CNBD1: variants seen among roughly 807,000 people sequenced by gnomAD.
The protein encoded by CNBD1 is cyclic nucleotide-binding domain-containing protein 1.
A neutral mutation model predicts 54.4 loss-of-function variants in CNBD1; 71 were observed. The ratio of observed to expected loss-of-function variants is 1.30; its 90% confidence interval spans 1.08 to 1.59. The LOEUF (loss-of-function observed/expected upper bound fraction) is 1.59, where lower values mean the gene tolerates loss of function less well. Among genes scored for constraint, CNBD1 ranks in the 40% most tolerant of loss-of-function variants. The pLI, the probability that CNBD1 is intolerant of heterozygous loss-of-function variation, is 0.00. For synonymous variants in CNBD1, 182 were observed against 170.7 expected, an observed-to-expected ratio of 1.07 and a Z score of -0.51; for missense variants, 659 against 518.0, an observed-to-expected ratio of 1.27 and a Z score of -2.64.
intron 8 of CNBD1, among the ~76,000 whole-genome samples, chr8:87,302,837 C>T (rs567583696): frequency 6.6e-6 from 1 of 152,096 alleles, no homozygotes; most frequent in South Asian, 2.1e-4. Context: ...TCTTATACAC[C>T]AGCAACAGAC....
chr8:87,311,735 C>T (rs140122999), intron 8 of CNBD1, among the ~76,000 whole-genome samples: 68 of 152,150 alleles, frequency 4.5e-4, no homozygotes, highest in African/African-American at 1.6e-3. Context: ...GAAAATGTGG[C>T]ACATATATAC....
intron 8 of CNBD1, among the ~76,000 whole-genome samples, chr8:87,289,703 A>G (rs1034326992): frequency 1.2e-4 from 19 of 152,280 alleles, no homozygotes; most frequent in African/African-American, 3.4e-4. Flanking sequence ...TAATAACAGT[A>G]ATAGTCAAAA....
chr8:86,939,489 A>G (rs1271695545), intron 3 of CNBD1, 107 bp from the exon 4 acceptor site: 18 of 714,926 alleles, frequency 2.5e-5, no homozygotes, highest in Non-Finnish European at 3.3e-5. Flanking sequence ...GAAAATGACA[A>G]ATTTTCTCAA....
rs1227142089 is a variant in CNBD1, at chr8:87,382,732, A to G, written c.*105A>G. On this transcript the variant is annotated 3_prime_UTR_variant, in exon 11 of 11. Transcript: ENST00000518476. ...AAACTACCAGCAATGAATTTGGTCT[A>G]TTGTGACTACATATCCTGGATTCCC... 3.7e-6 allele frequency: 3 copies of G among 816,260 alleles called. No homozygotes were observed. Among genetic ancestry groups the G allele is most frequent in the South Asian group, 2.0e-5 (1 of 50,230 alleles). The allele number at this position is 816,260 out of a possible 1,614,324, so 50.6% of individuals were successfully genotyped here.
At chr8:87,051,063 G>A (rs1166588881) in intron 4 of CNBD1, among the ~76,000 whole-genome samples, 1 of 152,158 alleles carries the variant, frequency 6.6e-6, no homozygotes, top group Non-Finnish European at 1.5e-5. Context: ...CATTAGGATG[G>A]CAGCTCACAT....
At chr8:86,880,066 G>T (rs1186061505) in intron 1 of CNBD1, among the ~76,000 whole-genome samples, 1 of 152,114 alleles carries the variant, frequency 6.6e-6, no homozygotes, top group Non-Finnish European at 1.5e-5. Context: ...AGGATGTGTT[G>T]GGGAGGAAGA....
At chr8:87,379,059 G>A (rs1472351286) in intron 10 of CNBD1, among the ~76,000 whole-genome samples, 7 of 150,930 alleles carry the variant, frequency 4.6e-5, no homozygotes, top group East Asian at 1.9e-4. Flanking sequence ...TTGGGGCTGA[G>A]ACAATGGGGT....
At chr8:87,011,788 A>G (rs891623139) in intron 4 of CNBD1, among the ~76,000 whole-genome samples, 2 of 152,170 alleles carry the variant, frequency 1.3e-5, no homozygotes, top group Non-Finnish European at 2.9e-5. Flanking sequence ...CATGAGGCTC[A>G]TATTGTTTTT....
chr8:87,078,845 A>T (rs1810928838), intron 4 of CNBD1, among the ~76,000 whole-genome samples: 1 of 152,238 alleles, frequency 6.6e-6, no homozygotes. Flanking sequence ...ATAGGTATAT[A>T]TAGTGTTTGC....
chr8:86,964,752 C>A (rs979454791), intron 4 of CNBD1, among the ~76,000 whole-genome samples: 65 of 152,174 alleles, frequency 4.3e-4, no homozygotes, highest in Non-Finnish European at 5.3e-4. Context: ...GGAGCTGATT[C>A]CCCTGCTGAA....
At chr8:86,948,866 T>G (rs1807535321) in intron 4 of CNBD1, among the ~76,000 whole-genome samples, 1 of 152,140 alleles carries the variant, frequency 6.6e-6, no homozygotes, top group African/African-American at 2.4e-5. Flanking sequence ...TTCCAATGTT[T>G]CATAGTAGTT....
At chr8:87,366,924 G>A (rs1198103181) in intron 10 of CNBD1, among the ~76,000 whole-genome samples, 1 of 152,028 alleles carries the variant, frequency 6.6e-6, no homozygotes, top group Non-Finnish European at 1.5e-5. Flanking sequence ...TTTCTAGTGA[G>A]CACCTTCAAA....
chr8:87,377,127 A>G (rs1478747750), intron 10 of CNBD1, among the ~76,000 whole-genome samples: 1 of 123,936 alleles, frequency 8.1e-6, no homozygotes, highest in South Asian at 2.4e-4. Flanking sequence ...TTGTAATTTT[A>G]TTTTATTTAT....
intron 2 of CNBD1, among the ~76,000 whole-genome samples, chr8:87,413,758 A>AT: frequency 6.6e-6 from 1 of 150,644 alleles, no homozygotes; most frequent in Middle Eastern, 3.4e-3. Flanking sequence ...GCAGCCAAAA[A>AT]ACACATGAAA....
intron 10 of CNBD1, among the ~76,000 whole-genome samples, chr8:87,355,997 C>T (rs1325309777): frequency 6.6e-6 from 1 of 151,922 alleles, no homozygotes; most frequent in African/African-American, 2.4e-5. Flanking sequence ...TTCTCTTGCT[C>T]CTTCTTTCAC....
At chr8:87,277,955 A>C (rs891859760) in intron 6 of CNBD1, among the ~76,000 whole-genome samples, 1 of 151,724 alleles carries the variant, frequency 6.6e-6, no homozygotes, top group African/African-American at 2.4e-5. Context: ...TAATATTTCC[A>C]AGATCATATC....
At chr8:87,359,113 C>A (rs1586044424) in intron 10 of CNBD1, among the ~76,000 whole-genome samples, 2 of 152,170 alleles carry the variant, frequency 1.3e-5, no homozygotes, top group Admixed American at 1.3e-4. Flanking sequence ...GTGTCACATA[C>A]AAAAGTGTTT....
intron 4 of CNBD1, among the ~76,000 whole-genome samples, chr8:87,118,070 C>G (rs1811811519): frequency 6.6e-6 from 1 of 151,974 alleles, no homozygotes; most frequent in African/African-American, 2.4e-5. Context: ...AATCTCAGCA[C>G]TTTGGGAGGC....
chr8:87,052,823 T>C (rs1289180332), intron 4 of CNBD1, among the ~76,000 whole-genome samples: 1 of 152,212 alleles, frequency 6.6e-6, no homozygotes, highest in African/African-American at 2.4e-5. Flanking sequence ...AAAGCCTCTA[T>C]ATATCAGGGT....
Sources: gnomAD v4.1 joint callset for allele counts (sites outside exome capture counted in the v4.1 genomes callset) on GRCh38, gnomAD v4.1.1 for gene constraint, MANE v1.5 for transcripts, NCBI Gene and HGNC (gene_info 2026-07-23, HGNC 2026-07-21) for gene names.